Variants in C19orf18 observed in about 807,000 individuals in gnomAD.
C19orf18 encodes chromosome 19 open reading frame 18.
Under a neutral mutation model 23.3 loss-of-function variants are expected in C19orf18, and 21 were observed. That is an observed-to-expected ratio of 0.90 (90% CI 0.64 to 1.30). C19orf18 has a LOEUF of 1.30. Among genes scored for constraint, C19orf18 ranks in the 50% most tolerant of loss-of-function variants. The pLI is 0.00. For synonymous variants in C19orf18, 96 were observed against 95.2 expected (o/e 1.01, Z -0.05); for missense variants, 249 against 259.6 (o/e 0.96, Z 0.28).
At chr19:57,969,067 C>T (rs574819129) in intron 3 of C19orf18, among the ~76,000 whole-genome samples, 23 of 152,274 alleles carry the variant, frequency 1.5e-4, no homozygotes, top group African/African-American at 3.9e-4. Flanking sequence ...CCAGTAGAGG[C>T]GGGGACCTTG....
intron 2 of C19orf18, among the ~76,000 whole-genome samples, chr19:57,973,724 CAAAA>C (rs59211957): frequency 9.3e-6 from 1 of 107,772 alleles, no homozygotes; most frequent in Admixed American, 1.0e-4. Context: ...GACTCTGTCT[CAAAA>C]AAAAAAAAAA....
chr19:57,961,886 CT>C (rs202119803), intron 4 of C19orf18, among the ~76,000 whole-genome samples: 1 of 149,634 alleles, frequency 6.7e-6, no homozygotes. Flanking sequence ...TTCTCTTTTT[CT>C]TTCTCTTTTT....
rs141757302 is a variant in C19orf18, at chr19:57,966,546, T to A, written c.355A>T (p.Ile119Phe). 485 of 1,606,054 alleles carry A rather than the reference T, an allele frequency of 3.0e-4. 1 individual carries two copies. The African/African-American group carries it at 5.8e-3, about 19-fold the overall frequency. ...FSIALICGMA[I>F]SYMIYRLAQA... ...GATACTTACTATATCATATAGGAGA[T>A]TGCCATCCCACATATCAGGGCAATG... Residue 119 changes from isoleucine (I) to phenylalanine (F), a missense_variant, in exon 4 of 6, where the codon ATC becomes TTC. Physicochemically the swap from Ile to Phe is conservative, Grantham distance 21. Transcript: ENST00000314391.
At chr19:57,961,249 A>T in intron 5 of C19orf18, 142 bp downstream of exon 5, 1 of 973,600 alleles carries the variant, frequency 1.0e-6, no homozygotes, top group South Asian at 1.8e-5. Flanking sequence ...AAAAAATGAA[A>T]GAAAGAAAGG....
chr19:57,959,892 T>C (rs1306903107), intron 5 of C19orf18, among the ~76,000 whole-genome samples: 2 of 149,834 alleles, frequency 1.3e-5, no homozygotes, highest in Non-Finnish European at 3.0e-5. Context: ...GGTGGATCAA[T>C]TGAGGTCAGG....
At chr19:57,960,979 A>G (rs2072866526) in intron 5 of C19orf18, among the ~76,000 whole-genome samples, 2 of 152,136 alleles carry the variant, frequency 1.3e-5, no homozygotes, top group Admixed American at 1.3e-4. Context: ...GGAGATCGAG[A>G]CCATCCTGGC....
intron 4 of C19orf18, among the ~76,000 whole-genome samples, 181 bp downstream of exon 4, chr19:57,966,349 T>C (rs775120276): frequency 2.6e-5 from 4 of 152,170 alleles, no homozygotes; most frequent in African/African-American, 7.2e-5. Flanking sequence ...TTTTTTCATG[T>C]GTATCATGCC....
At chr19:57,970,779 C>T (rs1005201869) in intron 3 of C19orf18, among the ~76,000 whole-genome samples, 1 of 152,044 alleles carries the variant, frequency 6.6e-6, no homozygotes, top group African/African-American at 2.4e-5. Flanking sequence ...AGGCTGGTCT[C>T]AAACTCCTGA....
At chr19:57,973,728 A>AAG (rs1164670825) in intron 2 of C19orf18, among the ~76,000 whole-genome samples, 3 of 151,454 alleles carry the variant, frequency 2.0e-5, no homozygotes, top group Non-Finnish European at 4.4e-5. Context: ...CTGTCTCAAA[A>AAG]AAAAAAAAAA....
rs766481036 is a variant in C19orf18, at chr19:57,974,282, G to C, written c.121+30C>G. The C allele has an allele frequency of 2.5e-6, 4 of 1,613,732 alleles. No homozygotes were observed. The African/African-American group carries it at 5.3e-5, about 22-fold the overall frequency. On this transcript the variant is annotated intron_variant, in intron 1 of 5. Transcript: ENST00000314391. ...CTGAAACAGCTTTTCAATTCTCCCT[G>C]AGTCACATAAAACCAGTGGTTGAAG...
At chr19:57,968,189 C>A (rs1036840417) in intron 3 of C19orf18, among the ~76,000 whole-genome samples, 1 of 152,224 alleles carries the variant, frequency 6.6e-6, no homozygotes, top group East Asian at 1.9e-4. Flanking sequence ...AGGAGTGAGA[C>A]AGCTCTCTGT....
chr19:57,969,240 T>C (rs2072927426), intron 3 of C19orf18, among the ~76,000 whole-genome samples: 1 of 152,050 alleles, frequency 6.6e-6, no homozygotes, highest in Non-Finnish European at 1.5e-5. Context: ...ATCCCCCAGG[T>C]ATATTTCAAC....
intron 2 of C19orf18, among the ~76,000 whole-genome samples, 198 bp downstream of exon 2, chr19:57,973,901 A>G (rs962254867): frequency 3.9e-5 from 6 of 152,176 alleles, no homozygotes; most frequent in African/African-American, 1.4e-4. Flanking sequence ...AAAGAGAAGA[A>G]AGTGGCAATC....
chr19:57,961,813 A>C (rs984616657), intron 4 of C19orf18, among the ~76,000 whole-genome samples: 1 of 152,176 alleles, frequency 6.6e-6, no homozygotes, highest in African/African-American at 2.4e-5. Flanking sequence ...TTGGGTTCCA[A>C]ACTTAAGGTG....
At chr19:57,971,147 T>C (rs542581227) in intron 3 of C19orf18, among the ~76,000 whole-genome samples, 1 of 152,274 alleles carries the variant, frequency 6.6e-6, no homozygotes, top group African/African-American at 2.4e-5. Context: ...TCACGTTTTT[T>C]ATTTTCTGTA....
Position 57,966,151 on chromosome 19 carries a change from G to C in C19orf18, c.371+379C>G, listed in dbSNP as rs1052021438. Among the ~76,000 whole-genome samples the C allele has an allele frequency of 6.6e-5, 10 of 151,936 alleles. No individual in the cohort carries two copies. The East Asian group carries it at 7.8e-4, about 12-fold the overall frequency. ...CGCCACCACGCCCGGCTAATTTTTTGTATTTTTAGTAGATACGGGGTTTCA... is the reference window on the plus strand; with the variant it reads ...CGCCACCACGCCCGGCTAATTTTTTCTATTTTTAGTAGATACGGGGTTTCA... On this transcript the variant is annotated intron_variant, in intron 4 of 5. Coordinates refer to ENST00000314391, the MANE Select transcript of C19orf18 (RefSeq NM_152474.5).
chr19:57,968,320 A>G (rs1219644398), intron 3 of C19orf18, among the ~76,000 whole-genome samples: 2 of 152,192 alleles, frequency 1.3e-5, no homozygotes, highest in African/African-American at 4.8e-5. Flanking sequence ...CAATACTTGA[A>G]TATGGGGTTG....
chr19:57,963,271 C>T (rs568705664), intron 4 of C19orf18, among the ~76,000 whole-genome samples: 2 of 151,924 alleles, frequency 1.3e-5, no homozygotes, highest in South Asian at 2.1e-4. Context: ...TCAGGTGACC[C>T]GCCCACCTCG....
At chr19:57,973,756 T>A (rs2072963347) in intron 2 of C19orf18, among the ~76,000 whole-genome samples, 2 of 151,746 alleles carry the variant, frequency 1.3e-5, no homozygotes, top group Non-Finnish European at 2.9e-5. Flanking sequence ...AAGAATTCTG[T>A]ACACTCACAA....
Sources: gnomAD v4.1 joint callset for allele counts (sites outside exome capture counted in the v4.1 genomes callset) on GRCh38, gnomAD v4.1.1 for gene constraint, MANE v1.5 for transcripts, NCBI Gene and HGNC (gene_info 2026-07-23, HGNC 2026-07-21) for gene names.